TCHH: variants seen among roughly 807,000 people sequenced by gnomAD.
The protein encoded by TCHH is trichohyalin.
In TCHH, 6 loss-of-function variants were observed where a neutral mutation model predicts 6.3. That is an observed-to-expected ratio of 0.95 (90% CI 0.52 to 1.88). The LOEUF (loss-of-function observed/expected upper bound fraction) is 1.88. Ranked by LOEUF, TCHH falls within the 40% of genes most tolerant of loss-of-function variation. The pLI is 0.01. For synonymous variants in TCHH, 1,087 were observed against 963.6 expected (o/e 1.13, Z -2.37); for missense variants, 2,920 against 2,449.1 (o/e 1.19, Z -4.06).
chr1:152,114,045 A>C lies in TCHH; in HGVS notation c.36T>G (p.Thr12=). The C allele has an allele frequency of 6.2e-7, 1 of 1,613,588 alleles. No individual in the cohort carries two copies. The highest frequency in any genetic ancestry group is 8.5e-7 in the Non-Finnish European group (1 of 1,179,856). Residue 12 remains threonine (T), a synonymous_variant, in exon 2 of 3, where the codon ACT becomes ACG. Transcript: ENST00000614923. Reference sequence around the variant, plus strand: ...GAGAGACATACTGATTGAAAATTTCAGTGATGTCACAGATGCTTCTCAGAA... The same window carrying C: ...GAGAGACATACTGATTGAAAATTTCCGTGATGTCACAGATGCTTCTCAGAA... ...SPLLRSICDI[T]EIFNQYVSHD...
chr1:152,109,305 T>TA lies in TCHH; in HGVS notation c.3911_3912insT (p.Gln1304HisfsTer56). On this transcript the variant is annotated frameshift_variant, in exon 3 of 3. Coordinates refer to ENST00000614923, the MANE Select transcript of TCHH (RefSeq NM_007113.4). LOFTEE classifies it low-confidence loss of function (END_TRUNC). ...TCCTGTCGCGCCTTTTGGCTTCCTT[T>TA]TGCTCTTCTCGCTCCAGCTGTTCTT... 6.2e-7 allele frequency: 1 copy of TA among 1,614,222 alleles called. No homozygotes were observed. The highest frequency in any genetic ancestry group is 1.3e-5 in the African/African-American group (1 of 75,052).
rs1047299187 is a variant in TCHH at position 152,109,298 on chromosome 1, C to T, written c.3919G>A (p.Ala1307Thr). ...EQLEREEQKE[A>T]KRRDRKSQEE... Reference sequence around the variant, plus strand: ...TGGGACTTCCTGTCGCGCCTTTTGGCTTCCTTTTGCTCTTCTCGCTCCAGC... The same window carrying T: ...TGGGACTTCCTGTCGCGCCTTTTGGTTTCCTTTTGCTCTTCTCGCTCCAGC... The change falls in exon 3 of 3, where the codon GCC (alanine) becomes ACC (threonine). Residue 1307 changes from alanine (A) to threonine (T), a missense_variant. Ala to Thr is a moderately conservative substitution (Grantham distance 58, BLOSUM62 0). Transcript: ENST00000614923. 3.1e-6 allele frequency: 5 copies of T among 1,614,164 alleles called. No homozygotes were observed. The highest frequency in any genetic ancestry group is 4.2e-6 in the Non-Finnish European group (5 of 1,180,034).
rs752307087 is a variant in TCHH at position 152,111,612 on chromosome 1, C to T, written c.1605G>A (p.Glu535=). ...CCTCCTGCTCGCGTCTTAGTTGTTGCTCGCTCCTCAACCGCTGCTGGAGCC... is the reference window on the plus strand; with the variant it reads ...CCTCCTGCTCGCGTCTTAGTTGTTGTTCGCTCCTCAACCGCTGCTGGAGCC... The part of the protein sequence containing the change: ...EERLQQRLRS[E]QQLRREQEER... Residue 535 remains glutamate, a synonymous_variant, in exon 3 of 3, where the codon GAG becomes GAA. Transcript: ENST00000614923. The T allele has an allele frequency of 2.5e-5, 41 of 1,608,680 alleles. No homozygotes were observed. The Admixed American group carries it at 4.0e-4, about 16-fold the overall frequency.
rs1472198895 is a variant in TCHH, at chr1:152,112,907, C to G, written c.310G>C (p.Asp104His). 6 of 1,613,932 alleles carry G rather than the reference C, an allele frequency of 3.7e-6. No individual in the cohort carries two copies. The highest frequency in any genetic ancestry group is 1.7e-5 in the Admixed American group (1 of 59,992). ...GLDEEKRARC[D>H]GKESLLQDRR... is the part of the protein sequence containing the mutation. The stretch of plus-strand genomic sequence containing the variant: ...TCTTGTAACAGGCTCTCCTTTCCGT[C>G]ACACCGGGCTCGCTTCTCCTCATCC... The change falls in exon 3 of 3, where the codon GAC becomes CAC. Residue 104 changes from aspartate (D) to histidine (H), a missense_variant. Transcript: ENST00000614923.
At position 152,107,619 on chromosome 1, in the gene TCHH, T is replaced by G. The variant is rs761591179; in HGVS notation, c.5598A>C (p.Gln1866His). The change falls in exon 3 of 3, where the codon CAA becomes CAC. Residue 1866 changes from glutamine (Q) to histidine (H), a missense_variant. Transcript: ENST00000614923. ...KSRREEQELW[Q>H]EEEQKRRQER... ...CCTGGCGACGTTTCTGCTCCTCTTC[T>G]TGCCATAGTTCTTGTTCCTCACGAC... 1 of 1,614,134 alleles carries G rather than the reference T, an allele frequency of 6.2e-7. No homozygotes were observed. Among genetic ancestry groups the G allele is most frequent in the East Asian group, 2.2e-5 (1 of 44,882 alleles).
Position 152,107,304 on chromosome 1 carries a change from T to C in TCHH, c.*81A>G. 1 of 1,351,194 alleles carries C rather than the reference T, an allele frequency of 7.4e-7. No homozygotes were observed. The allele number at this position is 1,351,194 out of a possible 1,614,324, so 83.7% of individuals were successfully genotyped here. The stretch of plus-strand genomic sequence containing the variant: ...GAGTTTTCCCACAACCAGAAACATC[T>C]GAGTTATCACTTGGTACCCAGTGTT... On this transcript the variant is annotated 3_prime_UTR_variant, in exon 3 of 3. Transcript: ENST00000614923.
rs752073034 is a variant in TCHH, at chr1:152,110,774, C to T, written c.2443G>A (p.Glu815Lys). 1.2e-6 allele frequency: 2 copies of T among 1,607,562 alleles called. No homozygotes were observed. The highest frequency in any genetic ancestry group is 4.5e-5 in the East Asian group (2 of 44,854). ...QREQRFLPEE[E>K]EKEQRRRQRR... ...TGGCGGCGCCGCTGCTCCTTCTCCT[C>T]CTCCTCCGGGAGAAACCGTTGTTCC... Residue 815 changes from glutamate to lysine, a missense_variant, in exon 3 of 3, where the codon GAG becomes AAG. By Grantham distance (56) the Glu-to-Lys change is moderately conservative. Transcript: ENST00000614923.
In TCHH at chr1:152,109,657, TC is replaced by T; in HGVS notation, c.3559del (p.Glu1187AsnfsTer37). ...CCGCTCCTGGCGCCTTTTCTCCTGT[TC>T]CTCTCTCAGCAGCTGCTCTTCCTCC... ...QQEEEQLLRE[E>X]QEKRRQERER... On this transcript the variant is annotated frameshift_variant, in exon 3 of 3. Transcript: ENST00000614923. LOFTEE classifies it low-confidence loss of function (END_TRUNC). 1 of 1,607,832 alleles carries T rather than the reference TC, an allele frequency of 6.2e-7. No individual in the cohort carries two copies. The highest frequency in any genetic ancestry group is 1.7e-5 in the Admixed American group (1 of 59,510).
rs770651726 is a variant in TCHH, at chr1:152,112,939, G to C, written c.278C>G (p.Thr93Arg). 6.2e-6 allele frequency: 10 copies of C among 1,613,710 alleles called. No individual in the cohort carries two copies. Among genetic ancestry groups the C allele is most frequent in the Non-Finnish European group, 8.5e-6 (10 of 1,180,020 alleles). Residue 93 changes from threonine (T) to arginine (R), a missense_variant, in exon 3 of 3, where the codon ACG becomes AGG. By Grantham distance (71) the Thr-to-Arg change is moderately conservative (BLOSUM62 -1). Transcript: ENST00000614923. Reference sequence around the variant, plus strand: ...GGCTCGCTTCTCCTCATCCAGTCCCGTGGCCTGGCCGAGAGCATAGTAACA... The same window carrying C: ...GGCTCGCTTCTCCTCATCCAGTCCCCTGGCCTGGCCGAGAGCATAGTAACA... ...QACYYALGQA[T>R]GLDEEKRARC...
In TCHH at chr1:152,110,372, C is replaced by T. The variant is rs751222196; in HGVS notation, c.2845G>A (p.Glu949Lys). 8 of 1,612,872 alleles carry T rather than the reference C, an allele frequency of 5.0e-6. No homozygotes were observed. In the East Asian group the frequency reaches 1.1e-4, roughly 22 times the overall value. Residue 949 changes from glutamate to lysine, a missense_variant, in exon 3 of 3, where the codon GAG becomes AAG. Glu to Lys is a moderately conservative substitution (Grantham distance 56). Transcript: ENST00000614923. ...EEEQLLREER[E>K]KRRRQERERQ... ...TCCCGCTCCTGGCGTCTTCTTTTCTCCCGTTCCTCTCTCAGCAGCTGCTCT... is the reference window on the plus strand; with the variant it reads ...TCCCGCTCCTGGCGTCTTCTTTTCTTCCGTTCCTCTCTCAGCAGCTGCTCT...
chr1:152,113,356 C>T (rs562345904), intron 2 of TCHH, among the ~76,000 whole-genome samples: 3 of 152,266 alleles, frequency 2.0e-5, no homozygotes, highest in Non-Finnish European at 2.9e-5. Context: ...GGTAAGCCTA[C>T]GCACCTTAGA....
chr1:152,112,235 G>A lies in TCHH; in HGVS notation c.982C>T (p.Arg328Cys), dbSNP rs1658399356. Residue 328 changes from arginine to cysteine, a missense_variant, in exon 3 of 3, where the codon CGC becomes TGC. Arg to Cys is a radical substitution (Grantham distance 180). Coordinates refer to ENST00000614923, the MANE Select transcript of TCHH (RefSeq NM_007113.4). ...QEERREQQER[R>C]EQQEERREQQ... ...TCGCGCCTCTCCTCCTGCTGCTCGCGCCTCTCCTGCTGCTCGCGCCTCTCC... is the reference window on the plus strand; with the variant it reads ...TCGCGCCTCTCCTCCTGCTGCTCGCACCTCTCCTGCTGCTCGCGCCTCTCC... 6.3e-7 allele frequency: 1 copy of A among 1,591,132 alleles called. No individual in the cohort carries two copies. Among genetic ancestry groups the A allele is most frequent in the Non-Finnish European group, 8.5e-7 (1 of 1,174,586 alleles).
rs937984473 is a variant in TCHH at position 152,110,406 on chromosome 1, C to T, written c.2811G>A (p.Gln937=). 2.5e-6 allele frequency: 4 copies of T among 1,613,982 alleles called. No individual in the cohort carries two copies. The East Asian group carries it at 8.9e-5, about 36-fold the overall frequency. ...ERQYREEEQL[Q]QEEEQLLREE... ...CTCTCAGCAGCTGCTCTTCCTCCTGCTGCAGCTGCTCTTCCTCGCGGTATT... is the reference window on the plus strand; with the variant it reads ...CTCTCAGCAGCTGCTCTTCCTCCTGTTGCAGCTGCTCTTCCTCGCGGTATT... Residue 937 remains glutamine, a synonymous_variant, in exon 3 of 3, where the codon CAG becomes CAA. Transcript: ENST00000614923.
At position 152,108,073 on chromosome 1, in the gene TCHH, T is replaced by G. The variant is rs570671728; in HGVS notation, c.5144A>C (p.Gln1715Pro). The G allele has an allele frequency of 1.9e-6, 3 of 1,613,378 alleles. No homozygotes were observed. The highest frequency in any genetic ancestry group is 1.3e-5 in the African/African-American group (1 of 74,676). The change falls in exon 3 of 3, where the codon CAG becomes CCG. Residue 1715 changes from glutamine to proline, a missense_variant. By Grantham distance (76) the Gln-to-Pro change is moderately conservative. Coordinates refer to ENST00000614923, the MANE Select transcript of TCHH (RefSeq NM_007113.4). ...RERKFLQEEQ[Q>P]LRRQELERKF... ...TCTCTCCAGTTCCTGGCGGCGCAGC[T>G]GCTGTTCCTCCTGGAGGAATTTTCT...
At position 152,111,041 on chromosome 1, in the gene TCHH, G is replaced by C. The variant is rs768730172; in HGVS notation, c.2176C>G (p.Gln726Glu). ...TCTTGGCGGCGCCTCTGCCCTTCCT[G>C]CTTGCGGGGCCTCGAGTAGACTTTG... ...QSKVYSRPRKQEGQRRRQEQE... is the reference protein window; with the variant it reads ...QSKVYSRPRKEEGQRRRQEQE... The change falls in exon 3 of 3, where the codon CAG (glutamine) becomes GAG (glutamate). Residue 726 changes from glutamine (Q) to glutamate (E), a missense_variant. Physicochemically the swap from Gln to Glu is conservative, Grantham distance 29. Coordinates refer to ENST00000614923, the MANE Select transcript of TCHH (RefSeq NM_007113.4). The C allele has an allele frequency of 6.2e-7, 1 of 1,613,378 alleles. No individual in the cohort carries two copies. The highest frequency in any genetic ancestry group is 8.5e-7 in the Non-Finnish European group (1 of 1,179,996).
rs754943944 is a variant in TCHH, at chr1:152,112,765, C to A, written c.452G>T (p.Gly151Val). 6.2e-7 allele frequency: 1 copy of A among 1,614,080 alleles called. No individual in the cohort carries two copies. Among genetic ancestry groups the A allele is most frequent in the South Asian group, 1.1e-5 (1 of 91,074 alleles). The change falls in exon 3 of 3, where the codon GGA (glycine) becomes GTA (valine). Residue 151 changes from glycine (G) to valine (V), a missense_variant. Gly to Val is a moderately radical substitution (Grantham distance 109). Transcript: ENST00000614923. The stretch of plus-strand genomic sequence containing the variant: ...CTCTTGTTTCTCACTTTGCTCCTCT[C>A]CCTCAGCTAGCTCCCTCTCCTGTTC... ...RQEQERELAE[G>V]EEQSEKQERL...
chr1:152,109,363 C>G lies in TCHH; in HGVS notation c.3854G>C (p.Arg1285Pro), dbSNP rs1658237991. 2 of 1,614,228 alleles carry G rather than the reference C, an allele frequency of 1.2e-6. No homozygotes were observed. The highest frequency in any genetic ancestry group is 2.2e-5 in the East Asian group (1 of 44,890). Reference protein sequence around the residue: ...QERDREQERRRWQQRDRHFPE... With the variant: ...QERDREQERRPWQQRDRHFPE... ...GAAATGCCTGTCGCGCTGCTGCCAGCGCCTCCTCTCTTGCTCACGATCTCG... is the reference window on the plus strand; with the variant it reads ...GAAATGCCTGTCGCGCTGCTGCCAGGGCCTCCTCTCTTGCTCACGATCTCG... The change falls in exon 3 of 3, where the codon CGC becomes CCC. Residue 1285 changes from arginine to proline, a missense_variant. By Grantham distance (103) the Arg-to-Pro change is moderately radical (BLOSUM62 -2). Coordinates refer to ENST00000614923, the MANE Select transcript of TCHH (RefSeq NM_007113.4).
In TCHH at chr1:152,110,322, C is replaced by A; in HGVS notation, c.2895G>T (p.Lys965Asn). The change falls in exon 3 of 3, where the codon AAG (lysine) becomes AAT (asparagine). Residue 965 changes from lysine to asparagine, a missense_variant. Lys to Asn is a moderately conservative substitution (Grantham distance 94, BLOSUM62 0). Coordinates refer to ENST00000614923, the MANE Select transcript of TCHH (RefSeq NM_007113.4). The part of the protein sequence containing the change: ...ERERQYRKDK[K>N]LQQKEEQLLG... ...GCAGCTGCTCTTCCTTCTGCTGCAG[C>A]TTCTTATCCTTCCGATATTGCCTTT... is the stretch of plus-strand genomic sequence containing the variant. 1.9e-6 allele frequency: 3 copies of A among 1,610,758 alleles called. No homozygotes were observed. The highest frequency in any genetic ancestry group is 2.7e-5 in the African/African-American group (2 of 74,612).
Position 152,109,262 on chromosome 1 carries a change from G to A in TCHH, c.3955C>T (p.Gln1319Ter). Residue 1319 changes from glutamine to a stop codon, truncating the protein, a stop_gained, in exon 3 of 3, where the codon CAG (glutamine) becomes TAG (stop). Coordinates refer to ENST00000614923, the MANE Select transcript of TCHH (RefSeq NM_007113.4). LOFTEE classifies it low-confidence loss of function (END_TRUNC). ...TCTTCTCTTTCCTCTCTCAGCAACT[G>A]CTTTTCCTCTTGGGACTTCCTGTCG... Reference protein sequence around the residue: ...RRDRKSQEEKQLLREEREEKR... With the variant: ...RRDRKSQEEK 7 of 1,614,240 alleles carry A rather than the reference G, an allele frequency of 4.3e-6. No individual in the cohort carries two copies. Among genetic ancestry groups the A allele is most frequent in the African/African-American group, 4.0e-5 (3 of 75,068 alleles).
Sources: allele counts gnomAD v4.1 joint callset (sites outside exome capture counted in the v4.1 genomes callset), GRCh38; gene constraint gnomAD v4.1.1; transcripts MANE v1.5; gene names NCBI Gene and HGNC (gene_info 2026-07-23, HGNC 2026-07-21).